The following PCDHA12 variants were observed in gnomAD, a reference collection of about 807,000 sequenced individuals.
The protein encoded by PCDHA12 is protocadherin alpha-12.
In PCDHA12, 44 loss-of-function variants were observed where a neutral mutation model predicts 60.0. The ratio of observed to expected loss-of-function variants is 0.73; its 90% CI spans 0.58 to 0.94. The LOEUF (loss-of-function observed/expected upper bound fraction) is 0.94. Among genes scored for constraint, PCDHA12 ranks in the 40% least tolerant of loss-of-function variants. The pLI is 0.00. For missense variants in PCDHA12, 1,276 were observed against 1,239.7 expected (o/e 1.03, Z -0.44); for synonymous variants, 569 against 553.0 (o/e 1.03, Z -0.40).
chr5:140,980,856 G>GT (rs2096908809), intron 2 of PCDHA12, among the ~76,000 whole-genome samples: 1 of 151,886 alleles, frequency 6.6e-6, no homozygotes, highest in Admixed American at 6.6e-5. Context: ...AATCTTTTTC[G>GT]TATGTGTGCT....
chr5:140,959,000 G>A (rs1239762631), intron 1 of PCDHA12, among the ~76,000 whole-genome samples: 1 of 151,884 alleles, frequency 6.6e-6, no homozygotes, highest in Admixed American at 6.6e-5. Flanking sequence ...ATCTTTTACT[G>A]TACCTAATTT....
chr5:140,968,758 T>C, intron 1 of PCDHA12: 1 of 1,614,150 alleles, frequency 6.2e-7, no homozygotes, highest in South Asian at 1.1e-5. Flanking sequence ...TGGTCCGAGA[T>C]AATGGAGAGC....
chr5:140,877,799 T>C lies in PCDHA12; in HGVS notation c.2327T>C (p.Leu776Pro). Residue 776 changes from leucine (L) to proline (P), a missense_variant, in exon 1 of 4, where the codon CTT (leucine) becomes CCT (proline). By Grantham distance (98) the Leu-to-Pro change is moderately conservative. Transcript: ENST00000398631. ...KTDLMAFSPS[L>P]QLSREDCLNP... ...GACCTCATGGCCTTCAGCCCAAGCC[T>C]TCAGCTGTCTCGAGAAGATTGTTTA... 1.2e-6 allele frequency: 2 copies of C among 1,613,438 alleles called. No individual in the cohort carries two copies. The highest frequency in any genetic ancestry group is 1.7e-6 in the Non-Finnish European group (2 of 1,179,698).
chr5:140,882,032 T>C (rs2058914811), intron 1 of PCDHA12: 2 of 623,536 alleles, frequency 3.2e-6, no homozygotes, highest in Non-Finnish European at 5.1e-6. Flanking sequence ...ATGGAAAATA[T>C]GAAGACTGAG....
intron 1 of PCDHA12, chr5:140,967,227 A>G (rs1586199202): frequency 1.2e-6 from 2 of 1,613,742 alleles, no homozygotes; most frequent in Admixed American, 1.7e-5. Flanking sequence ...CCCAACTACC[A>G]GCTTCAGGTA....
At chr5:140,939,593 T>C (rs1554212802) in intron 1 of PCDHA12, among the ~76,000 whole-genome samples, 1 of 152,198 alleles carries the variant, frequency 6.6e-6, no homozygotes, top group African/African-American at 2.4e-5. Flanking sequence ...TAACATACCT[T>C]GCTCAAAAAC....
At chr5:140,996,752 GT>G (rs1406262736) in intron 3 of PCDHA12, among the ~76,000 whole-genome samples, 2 of 152,208 alleles carry the variant, frequency 1.3e-5, no homozygotes, top group East Asian at 3.9e-4. Flanking sequence ...AATTATATCT[GT>G]GCAGGACTAA....
In PCDHA12 at chr5:140,933,676, AT is replaced by A. The variant is rs1400784175; in HGVS notation, c.2368-45265del. 1.4e-4 allele frequency among the ~76,000 whole-genome samples: 21 copies of A among 151,552 alleles called. 1 individual carries two copies. Among genetic ancestry groups the A allele is most frequent in the Admixed American group, 1.3e-3 (19 of 15,194 alleles). On this transcript the variant is annotated intron_variant, in intron 1 of 3. Coordinates refer to ENST00000398631, the MANE Select transcript of PCDHA12 (RefSeq NM_018903.4). Reference sequence around the variant, plus strand: ...CTGTCTCTCTCTCTGTCTCTCTCACATTTTTTTTCCTATTCCTCGGACACAT... The same window carrying A: ...CTGTCTCTCTCTCTGTCTCTCTCACATTTTTTTCCTATTCCTCGGACACAT...
chr5:141,010,129 G>A lies in PCDHA12; in HGVS notation c.*192G>A, dbSNP rs781919488. The A allele has an allele frequency of 3.7e-6, 6 of 1,601,792 alleles. No individual in the cohort carries two copies. The highest frequency in any genetic ancestry group is 5.1e-6 in the Non-Finnish European group (6 of 1,173,386). On this transcript the variant is annotated 3_prime_UTR_variant, in exon 4 of 4. Coordinates refer to ENST00000398631, the MANE Select transcript of PCDHA12 (RefSeq NM_018903.4). Reference sequence around the variant, plus strand: ...TGTCGTAAAAGCTTTACTAAGTCTGGTGTTAACTCTTTCTCTCCACTCTGG... The same window carrying A: ...TGTCGTAAAAGCTTTACTAAGTCTGATGTTAACTCTTTCTCTCCACTCTGG...
At chr5:140,936,418 T>G (rs2090950050) in intron 1 of PCDHA12, among the ~76,000 whole-genome samples, 1 of 152,222 alleles carries the variant, frequency 6.6e-6, no homozygotes, top group African/African-American at 2.4e-5. Context: ...ATGTTACTAA[T>G]TTTAATTAAT....
At chr5:140,959,428 A>AT (rs2095488424) in intron 1 of PCDHA12, among the ~76,000 whole-genome samples, 1 of 152,102 alleles carries the variant, frequency 6.6e-6, no homozygotes, top group Non-Finnish European at 1.5e-5. Context: ...GAATTTGTGT[A>AT]TTTTTTTCTA....
chr5:140,914,073 C>G (rs1314205032), intron 1 of PCDHA12, among the ~76,000 whole-genome samples: 1 of 152,122 alleles, frequency 6.6e-6, no homozygotes, highest in Non-Finnish European at 1.5e-5. Flanking sequence ...TGCTCCATAA[C>G]TATCTATTAG....
intron 1 of PCDHA12, among the ~76,000 whole-genome samples, chr5:140,975,967 A>C (rs2096692306): frequency 6.6e-6 from 1 of 152,176 alleles, no homozygotes; most frequent in African/African-American, 2.4e-5. Context: ...TCACCAATAG[A>C]AAGTAAGCAT....
intron 1 of PCDHA12, among the ~76,000 whole-genome samples, chr5:140,904,135 G>A (rs1310606905): frequency 6.6e-5 from 10 of 151,986 alleles, no homozygotes; most frequent in Non-Finnish European, 1.0e-4. Context: ...CCCATCACCC[G>A]AGCAGTATAC....
intron 1 of PCDHA12, chr5:140,969,220 G>A (rs2096308533): frequency 6.2e-7 from 1 of 1,614,084 alleles, no homozygotes; most frequent in African/African-American, 1.3e-5. Flanking sequence ...CAGGACCAGG[G>A]CCTTCGGGAG....
At chr5:140,938,835 CA>C (rs2092222540) in intron 1 of PCDHA12, among the ~76,000 whole-genome samples, 1 of 152,008 alleles carries the variant, frequency 6.6e-6, no homozygotes, top group African/African-American at 2.4e-5. Flanking sequence ...TGCGTTATAA[CA>C]AACCTGCCCA....
chr5:140,876,992 A>T lies in PCDHA12; in HGVS notation c.1520A>T (p.Tyr507Phe), dbSNP rs1222630901. The change falls in exon 1 of 4, where the codon TAC (tyrosine) becomes TTC (phenylalanine). Residue 507 changes from tyrosine (Y) to phenylalanine (F), a missense_variant. Physicochemically the swap from Tyr to Phe is conservative, Grantham distance 22. Coordinates refer to ENST00000398631, the MANE Select transcript of PCDHA12 (RefSeq NM_018903.4). The part of the protein sequence containing the change: ...RRVGEHALSS[Y>F]VSVHAESGKV... ...GTGGGCGAGCACGCACTGTCGAGCTACGTGTCGGTGCACGCGGAGAGCGGC... is the reference window on the plus strand; with the variant it reads ...GTGGGCGAGCACGCACTGTCGAGCTTCGTGTCGGTGCACGCGGAGAGCGGC... 1 of 1,612,438 alleles carries T rather than the reference A, an allele frequency of 6.2e-7. No homozygotes were observed. The highest frequency in any genetic ancestry group is 8.5e-7 in the Non-Finnish European group (1 of 1,179,780).
chr5:140,899,962 C>G (rs1562916347), intron 1 of PCDHA12, among the ~76,000 whole-genome samples: 1 of 152,064 alleles, frequency 6.6e-6, no homozygotes, highest in African/African-American at 2.4e-5. Flanking sequence ...CATGTGCTGC[C>G]ATGCCCAGCT....
intron 1 of PCDHA12, among the ~76,000 whole-genome samples, chr5:140,913,413 G>A (rs976186231): frequency 3.3e-5 from 5 of 152,050 alleles, no homozygotes; most frequent in Non-Finnish European, 5.9e-5. Flanking sequence ...TTGAATTCCT[G>A]CAGTATCAGT....
Sources: allele counts gnomAD v4.1 joint callset (sites outside exome capture counted in the v4.1 genomes callset), GRCh38; gene constraint gnomAD v4.1.1; transcripts MANE v1.5; gene names NCBI Gene and HGNC (gene_info 2026-07-23, HGNC 2026-07-21).